PTK6: variants seen among roughly 807,000 people sequenced by gnomAD.
PTK6 encodes the protein protein tyrosine kinase 6.
PTK6 carries 47 observed loss-of-function variants against 47.5 expected under a neutral mutation model. That is an observed-to-expected ratio of 0.99 (90% confidence interval 0.78 to 1.26). The LOEUF (loss-of-function observed/expected upper bound fraction) is 1.26. Among genes scored for constraint, PTK6 ranks in the 50% most tolerant of loss-of-function variants. The pLI is 0.00. For missense variants in PTK6, 618 were observed against 625.3 expected, an observed-to-expected ratio of 0.99 and a Z score of 0.12; for synonymous variants, 287 against 276.5, an observed-to-expected ratio of 1.04 and a Z score of -0.38.
At position 63,534,182 on chromosome 20, in the gene PTK6, G is replaced by A. The variant is rs534569862; in HGVS notation, c.486C>T (p.His162=). The stretch of plus-strand genomic sequence containing the variant: ...GGCAGGGCGCGGCCAGCCGCAGGCC[G>A]TGGGACAGGCTCTGGGCCCTGTGGT... ...VNYHRAQSLS[H]GLRLAAPCRK... is the part of the protein sequence containing the mutation. The change falls in exon 3 of 8, where the codon CAC becomes CAT. Residue 162 remains histidine (H), a synonymous_variant. Transcript: ENST00000542869. The A allele has an allele frequency of 7.0e-6, 11 of 1,566,066 alleles. No homozygotes were observed. The highest frequency in any genetic ancestry group is 4.7e-5 in the South Asian group (4 of 85,358).
chr20:63,535,235 G>A (rs762229665), intron 1 of PTK6, among the ~76,000 whole-genome samples, 176 bp from the exon 2 acceptor site: 1 of 152,150 alleles, frequency 6.6e-6, no homozygotes, highest in Non-Finnish European at 1.5e-5. Context: ...TGAATGTCCC[G>A]AAAGGCCAGG....
Position 63,534,998 on chromosome 20 carries a change from CGTTGCCCTCGGCCTGCA to C in PTK6, c.275_291del (p.Leu92ArgfsTer79). 5 of 1,608,812 alleles carry C rather than the reference CGTTGCCCTCGGCCTGCA, an allele frequency of 3.1e-6. No individual in the cohort carries two copies. The highest frequency in any genetic ancestry group is 4.2e-6 in the Non-Finnish European group (5 of 1,177,784). On this transcript the variant is annotated frameshift_variant, in exon 2 of 8. Transcript: ENST00000542869. LOFTEE classifies it high-confidence loss of function. ...ACCCTGATCAGGAAGGCGCCCGTGG[CGTTGCCCTCGGCCTGCA>C]GCCGACGCACAGCTTCCGAGCGGGA...
rs763657910 is a variant in PTK6, at chr20:63,534,156, C to T, written c.512G>A (p.Arg171Gln). 19 of 1,548,858 alleles carry T rather than the reference C, an allele frequency of 1.2e-5. No individual in the cohort carries two copies. Among genetic ancestry groups the T allele is most frequent in the South Asian group, 7.1e-5 (6 of 84,016 alleles). ...AAGTCAGGGCGGAGCGGCTACCTTC[C>T]GGCAGGGCGCGGCCAGCCGCAGGCC... ...SHGLRLAAPC[R>Q]KHEPEPLPHW... Residue 171 changes from arginine (R) to glutamine (Q), a missense_variant, in exon 3 of 8, where the codon CGG (arginine) becomes CAG (glutamine). Coordinates refer to ENST00000542869, the MANE Select transcript of PTK6 (RefSeq NM_005975.4).
At position 63,529,470 on chromosome 20, in the gene PTK6, C is replaced by T; in HGVS notation, c.*66G>A. On this transcript the variant is annotated 3_prime_UTR_variant, in exon 8 of 8. Coordinates refer to ENST00000542869, the MANE Select transcript of PTK6 (RefSeq NM_005975.4). This position sits in a 1 kb window ranked among gnomAD's most constrained non-coding sequence, Gnocchi z 5.6. ...CCAGGGAAGCGCGTGGGCCTTGATC[C>T]CAGGTCCAGGCCCTCTGCCCAGGCC... The T allele has an allele frequency of 6.9e-7, 1 of 1,446,222 alleles. No individual in the cohort carries two copies. Among genetic ancestry groups the T allele is most frequent in the Non-Finnish European group, 9.1e-7 (1 of 1,093,134 alleles). The allele number at this position is 1,446,222 out of a possible 1,614,324, so 89.6% of individuals were successfully genotyped here.
At position 63,529,212 on chromosome 20, in the gene PTK6, C is replaced by T; in HGVS notation, c.*324G>A. On this transcript the variant is annotated 3_prime_UTR_variant, in exon 8 of 8. Transcript: ENST00000542869. This position sits in a 1 kb window ranked among gnomAD's most constrained non-coding sequence, Gnocchi z 5.6. ...AGGCGTGTTTGCCTCCCACCCTCAG[C>T]CGGGCACTGCAGACAGACAGCCAGA... The T allele has an allele frequency of 4.4e-6, 1 of 228,640 alleles. No homozygotes were observed. Among genetic ancestry groups the T allele is most frequent in the African/African-American group, 2.3e-5 (1 of 44,184 alleles). The allele number at this position is 228,640 out of a possible 1,614,324, so 14.2% of individuals were successfully genotyped here.
At chr20:63,531,856 CTG>C (rs1187826003) in intron 5 of PTK6, among the ~76,000 whole-genome samples, 1 of 152,162 alleles carries the variant, frequency 6.6e-6, no homozygotes, top group Non-Finnish European at 1.5e-5. Flanking sequence ...TGGGGACTGT[CTG>C]AGATGATCAA....
Position 63,534,292 on chromosome 20 carries a change from G to A in PTK6, c.376C>T (p.His126Tyr). The A allele has an allele frequency of 6.2e-7, 1 of 1,607,416 alleles. No individual in the cohort carries two copies. The highest frequency in any genetic ancestry group is 8.5e-7 in the Non-Finnish European group (1 of 1,178,422). ...CCGGCACGCCGCCAGATCTTGTAGT[G>A]CCGCACAGCCTGCGTGTCCCGCACT... ...LSVRDTQAVR[H>Y]YKIWRRAGGR... Residue 126 changes from histidine (H) to tyrosine (Y), a missense_variant, in exon 3 of 8, where the codon CAC (histidine) becomes TAC (tyrosine). Coordinates refer to ENST00000542869, the MANE Select transcript of PTK6 (RefSeq NM_005975.4).
rs2082603108 is a variant in PTK6, at chr20:63,529,698, C to T, written c.1194G>A (p.Leu398=). Residue 398 remains leucine, a synonymous_variant, in exon 8 of 8, where the codon CTG becomes CTA. Transcript: ENST00000542869. This position sits in a 1 kb window ranked among gnomAD's most constrained non-coding sequence, Gnocchi z 5.6. ...YPGMSNHEAF[L]RVDAGYRMPC... ...GCATGCGGTAGCCGGCGTCCACCCT[C>T]AGGAAGGCCTCATGGTTGGACATGC... is the stretch of plus-strand genomic sequence containing the variant. The T allele has an allele frequency of 1.3e-6, 2 of 1,546,286 alleles. No homozygotes were observed. Among genetic ancestry groups the T allele is most frequent in the Non-Finnish European group, 1.7e-6 (2 of 1,145,720 alleles).
At position 63,532,641 on chromosome 20, in the gene PTK6, C is replaced by T; in HGVS notation, c.717G>A (p.Met239Ile). The change falls in exon 5 of 8, where the codon ATG (methionine) becomes ATA (isoleucine). Residue 239 changes from methionine (M) to isoleucine (I), a missense_variant. Transcript: ENST00000542869. ...GGATGTGTTTGTGCCGCAGCTTCTT[C>T]ATGGCCTGGATCTCCGACTGCAGCA... ...QQMLQSEIQA[M>I]KKLRHKHILA... The T allele has an allele frequency of 2.5e-6, 4 of 1,614,134 alleles. No homozygotes were observed. The highest frequency in any genetic ancestry group is 3.4e-6 in the Non-Finnish European group (4 of 1,180,010).
Position 63,533,131 on chromosome 20 carries a change from G to A in PTK6, c.670+420C>T, listed in dbSNP as rs1451787770. ...CGCCCAGGCTGGAGTGCAATGGCGC[G>A]ATCTCAGCTCACTGCAATCTCCGCC... On this transcript the variant is annotated intron_variant, in intron 4 of 7. Coordinates refer to ENST00000542869, the MANE Select transcript of PTK6 (RefSeq NM_005975.4). This position sits in a 1 kb window ranked among gnomAD's most constrained non-coding sequence, Gnocchi z 4.0. 2.6e-5 allele frequency among the ~76,000 whole-genome samples: 4 copies of A among 150,956 alleles called. No individual in the cohort carries two copies. The highest frequency in any genetic ancestry group is 2.1e-4 in the South Asian group (1 of 4,802).
chr20:63,531,786 C>T (rs1403538049), intron 5 of PTK6, among the ~76,000 whole-genome samples: 2 of 152,222 alleles, frequency 1.3e-5, no homozygotes, highest in Non-Finnish European at 2.9e-5. Flanking sequence ...CTGTCAGCGG[C>T]TTGCGGCCTG....
chr20:63,535,269 G>C (rs2082655860), intron 1 of PTK6, among the ~76,000 whole-genome samples: 1 of 152,316 alleles, frequency 6.6e-6, no homozygotes, highest in Non-Finnish European at 1.5e-5. Context: ...GACCCGGCGG[G>C]GGCAGGGGCA....
chr20:63,536,684 C>G (rs1412596700), intron 1 of PTK6, among the ~76,000 whole-genome samples: 2 of 152,166 alleles, frequency 1.3e-5, no homozygotes, highest in Non-Finnish European at 2.9e-5. Context: ...ACTGGGCAAG[C>G]TTCAAGCTTC....
chr20:63,532,220 G>T (rs913140172), intron 5 of PTK6, among the ~76,000 whole-genome samples: 2 of 150,354 alleles, frequency 1.3e-5, no homozygotes. Flanking sequence ...GTGTGTGTCC[G>T]TGTGATCTGT....
rs2082608330 is a variant in PTK6, at chr20:63,530,358, C to G, written c.1015-127G>C. The G allele has an allele frequency of 8.0e-7, 1 of 1,251,156 alleles. No individual in the cohort carries two copies. The highest frequency in any genetic ancestry group is 1.5e-5 in the African/African-American group (1 of 67,462). 77.5% of individuals were successfully genotyped at this position (1,251,156 alleles called of 1,614,324 possible). ...TGATGACCCCACTGTCTGACCCACGCACGGCCGCTGCAGCTAAGGCCACAC... is the reference window on the plus strand; with the variant it reads ...TGATGACCCCACTGTCTGACCCACGGACGGCCGCTGCAGCTAAGGCCACAC... On this transcript the variant is annotated intron_variant, in intron 6 of 7. Transcript: ENST00000542869. This position sits in a 1 kb window ranked among gnomAD's most constrained non-coding sequence, Gnocchi z 4.1.
chr20:63,534,775 C>T, intron 2 of PTK6, 163 bp downstream of exon 2: 1 of 1,136,884 alleles, frequency 8.8e-7, no homozygotes, highest in Admixed American at 3.0e-5. Flanking sequence ...GACCCAGGCC[C>T]CAGGGAGGAG....
Position 63,530,113 on chromosome 20 carries a change from T to C in PTK6, c.1133A>G (p.His378Arg), listed in dbSNP as rs201701939. Residue 378 changes from histidine to arginine, a missense_variant, in exon 7 of 8, where the codon CAT becomes CGT. By Grantham distance (29) the His-to-Arg change is conservative (BLOSUM62 0). Transcript: ENST00000542869. This position sits in a 1 kb window ranked among gnomAD's most constrained non-coding sequence, Gnocchi z 4.1. ...SDVWSFGILL[H>R]EMFSRGQVPY... ...CACCTGACCCCTGCTGAACATCTCATGCAGGAGAATCCCAAAGGACCAGAC... is the reference window on the plus strand; with the variant it reads ...CACCTGACCCCTGCTGAACATCTCACGCAGGAGAATCCCAAAGGACCAGAC... 9.9e-6 allele frequency: 16 copies of C among 1,614,062 alleles called. No individual in the cohort carries two copies. Among genetic ancestry groups the C allele is most frequent in the South Asian group, 2.2e-5 (2 of 91,088 alleles).
In PTK6 at chr20:63,533,725, A is replaced by C; in HGVS notation, c.517-21T>G. Reference sequence around the variant, plus strand: ...TCGTGCTGGAGGAAGAGTCGGGGACACAGGGCAGGGGCTCATCCTTCAGGA... The same window carrying C: ...TCGTGCTGGAGGAAGAGTCGGGGACCCAGGGCAGGGGCTCATCCTTCAGGA... On this transcript the variant is annotated intron_variant, in intron 3 of 7. Coordinates refer to ENST00000542869, the MANE Select transcript of PTK6 (RefSeq NM_005975.4). This position sits in a 1 kb window ranked among gnomAD's most constrained non-coding sequence, Gnocchi z 4.0. The C allele has an allele frequency of 2.5e-6, 4 of 1,606,470 alleles. No individual in the cohort carries two copies. Among genetic ancestry groups the C allele is most frequent in the Non-Finnish European group, 3.4e-6 (4 of 1,176,432 alleles).
chr20:63,537,248 T>C lies in PTK6; in HGVS notation c.67A>G (p.Thr23Ala). Residue 23 changes from threonine to alanine, a missense_variant, in exon 1 of 8, where the codon ACG becomes GCG. By Grantham distance (58) the Thr-to-Ala change is moderately conservative (BLOSUM62 0). Transcript: ENST00000542869. The part of the protein sequence containing the change: ...YVGLWDFKSR[T>A]DEELSFRAGD... ...GCGCGGAAGCTCAGCTCCTCGTCCG[T>C]CCGGGACTTGAAGTCCCAGAGGCCC... The C allele has an allele frequency of 6.2e-7, 1 of 1,612,398 alleles. No individual in the cohort carries two copies. The highest frequency in any genetic ancestry group is 1.3e-5 in the African/African-American group (1 of 75,042).
Sources: allele counts gnomAD v4.1 joint callset (sites outside exome capture counted in the v4.1 genomes callset), GRCh38; gene constraint gnomAD v4.1.1; non-coding constraint Gnocchi (gnomAD v3.1); transcripts MANE v1.5; gene names NCBI Gene and HGNC (gene_info 2026-07-23, HGNC 2026-07-21).